GSE1: variants seen among roughly 807,000 people sequenced by gnomAD.
The protein encoded by GSE1 is genetic suppressor element 1.
A neutral mutation model predicts 112.6 loss-of-function variants in GSE1; 32 were observed. The observed-to-expected ratio is 0.28, with a 90% CI of 0.21 to 0.38. GSE1 has a LOEUF of 0.38. GSE1 is among the 10% of genes least tolerant of loss of function. The probability of loss-of-function intolerance (pLI) is 1.00; values close to 1 mark genes in which losing one functional copy is unlikely to be tolerated. For missense variants in GSE1, 2,348 were observed against 1,699.2 expected, an observed-to-expected ratio of 1.38 and a Z score of -6.71; for synonymous variants, 1,115 against 735.6, an observed-to-expected ratio of 1.52 and a Z score of -8.35.
chr16:85,450,739 T>G (rs1213322090), intron 2 of GSE1, among the ~76,000 whole-genome samples: 4 of 147,760 alleles, frequency 2.7e-5, no homozygotes, highest in Non-Finnish European at 4.5e-5. Context: ...ATGAGCCACC[T>G]CGCCCGGCCC....
exon 1 of GSE1, chr16:85,170,850 A>T: frequency 1.0e-6 from 1 of 985,332 alleles, no homozygotes; most frequent in Non-Finnish European, 1.2e-6. Context: ...CCAACGTGCC[A>T]GTCCTGCAGC....
At chr16:85,518,257 G>A (rs2052020452) in intron 2 of GSE1, among the ~76,000 whole-genome samples, 1 of 152,340 alleles carries the variant, frequency 6.6e-6, no homozygotes, top group South Asian at 2.1e-4. Flanking sequence ...GGGTGTGAGG[G>A]CCCAAGAGAG....
At chr16:85,399,704 G>A (rs558012017) in intron 2 of GSE1, among the ~76,000 whole-genome samples, 8 of 152,326 alleles carry the variant, frequency 5.3e-5, no homozygotes, top group African/African-American at 1.9e-4. Flanking sequence ...GGGGGATGCC[G>A]CAGACAGTGA....
At chr16:85,653,170 GCCCTGAGGCT>G (rs566681980) in intron 3 of GSE1, among the ~76,000 whole-genome samples, 1 of 71,010 alleles carries the variant, frequency 1.4e-5, no homozygotes, top group African/African-American at 5.4e-5. Flanking sequence ...CATCTGGGCC[GCCCTGAGGCT>G]CCCTCCGCCC....
At chr16:85,359,448 CA>C (rs909304645) in intron 2 of GSE1, 2 of 455,620 alleles carry the variant, frequency 4.4e-6, no homozygotes, top group Non-Finnish European at 8.8e-6. Context: ...CAGGCCCACC[CA>C]CTTCTTATCT....
At chr16:85,426,453 G>A (rs1187144057) in intron 2 of GSE1, among the ~76,000 whole-genome samples, 1 of 123,712 alleles carries the variant, frequency 8.1e-6, no homozygotes, top group Admixed American at 8.5e-5. Context: ...AGGAAGGAAG[G>A]AAGGGAGAAA....
chr16:85,555,310 C>T (rs896366174), upstream of GSE1: 3 of 985,240 alleles, frequency 3.0e-6, no homozygotes, highest in East Asian at 1.1e-4. Flanking sequence ...GGCGCCAGAG[C>T]CCCCGCGAGT....
chr16:85,669,030 G>A (rs2053113341), intron 14 of GSE1, among the ~76,000 whole-genome samples: 1 of 152,264 alleles, frequency 6.6e-6, no homozygotes, highest in African/African-American at 2.4e-5. Context: ...CACAGCACCA[G>A]GCGGACTCAG....
intron 2 of GSE1, among the ~76,000 whole-genome samples, chr16:85,464,619 G>C (rs528479848): frequency 6.6e-6 from 1 of 152,178 alleles, no homozygotes; most frequent in Non-Finnish European, 1.5e-5. Context: ...GGGTACTCAC[G>C]AAGCCTCGGG....
chr16:85,232,382 C>A (rs963398734), intron 1 of GSE1, among the ~76,000 whole-genome samples: 1 of 152,184 alleles, frequency 6.6e-6, no homozygotes, highest in African/African-American at 2.4e-5. Context: ...GATGGGAACC[C>A]AGGCTACCCC....
chr16:85,179,171 C>T (rs908634729), intron 1 of GSE1, among the ~76,000 whole-genome samples: 3 of 152,144 alleles, frequency 2.0e-5, no homozygotes, highest in Non-Finnish European at 4.4e-5. Context: ...TCGCCTCCTC[C>T]ACCCACCCCT....
chr16:85,661,591 G>C lies in GSE1; in HGVS notation c.2086G>C (p.Ala696Pro). 1.2e-6 allele frequency: 2 copies of C among 1,610,350 alleles called. No homozygotes were observed. Among genetic ancestry groups the C allele is most frequent in the South Asian group, 2.2e-5 (2 of 90,704 alleles). The change falls in exon 9 of 16, where the codon GCG becomes CCG. Residue 696 changes from alanine (A) to proline (P), a missense_variant. Transcript: ENST00000253458. ...LGQQRASLPQAATFGELSGPL... is the reference protein window; with the variant it reads ...LGQQRASLPQPATFGELSGPL... ...CCAGCAGCGGGCCTCCCTCCCACAG[G>C]CGGCCACCTTCGGGGAGCTCAGCGG...
At chr16:85,401,288 T>C (rs1453005011) in intron 2 of GSE1, among the ~76,000 whole-genome samples, 1 of 136,550 alleles carries the variant, frequency 7.3e-6, no homozygotes. Context: ...ACATTATTTA[T>C]AGAAATGGAG....
chr16:85,632,312 C>G (rs906281675), intron 1 of GSE1, among the ~76,000 whole-genome samples: 1 of 152,114 alleles, frequency 6.6e-6, no homozygotes, highest in South Asian at 2.1e-4. Flanking sequence ...GGAGAACAAA[C>G]GATGCCCCCC....
intron 3 of GSE1, among the ~76,000 whole-genome samples, chr16:85,652,424 C>G (rs939219767): frequency 6.6e-6 from 1 of 152,218 alleles, no homozygotes; most frequent in African/African-American, 2.4e-5. Flanking sequence ...CTCCCACCCT[C>G]GAGACCAGCA....
chr16:85,272,051 G>A (rs1427988715), intron 1 of GSE1, among the ~76,000 whole-genome samples: 2 of 152,198 alleles, frequency 1.3e-5, no homozygotes, highest in Non-Finnish European at 2.9e-5. Flanking sequence ...ACAGGGCATG[G>A]TGCCGCCAGC....
chr16:85,208,166 T>TA (rs2075153671), intron 1 of GSE1, among the ~76,000 whole-genome samples: 1 of 152,146 alleles, frequency 6.6e-6, no homozygotes. Flanking sequence ...GTCATGCTGT[T>TA]TCTTCTAGCC....
chr16:85,665,867 G>T (rs573764082), intron 12 of GSE1, 109 bp from the exon 13 acceptor site: 1 of 1,037,674 alleles, frequency 9.6e-7, no homozygotes, highest in African/African-American at 1.6e-5. Flanking sequence ...TTGGTTCTTT[G>T]CGCTAGGTCT....
chr16:85,424,762 G>C (rs971572719), intron 2 of GSE1, among the ~76,000 whole-genome samples: 1 of 152,244 alleles, frequency 6.6e-6, no homozygotes. Context: ...GATGCTCTGC[G>C]CCATGGCACC....
Sources: gnomAD v4.1 joint callset for allele counts (sites outside exome capture counted in the v4.1 genomes callset) on GRCh38, gnomAD v4.1.1 for gene constraint, MANE v1.5 for transcripts, NCBI Gene and HGNC (gene_info 2026-07-23, HGNC 2026-07-21) for gene names.